Variants in DRC8 observed in about 807,000 individuals in gnomAD.
The protein encoded by DRC8 is dynein regulatory complex subunit 8.
chr1:245,088,315 GAC>G, the DRC8 span, among the ~76,000 whole-genome samples: 139 of 145,578 alleles, frequency 9.5e-4, 1 homozygote, highest in African/African-American at 2.8e-3. This position sits in a 1 kb window ranked among gnomAD's most constrained non-coding sequence, Gnocchi z 4.6. Context: ...GTTATAACAA[GAC>G]ACACACACAC....
chr1:245,090,400 C>T, the DRC8 span, among the ~76,000 whole-genome samples: 1 of 152,212 alleles, frequency 6.6e-6, no homozygotes, highest in Non-Finnish European at 1.5e-5. Flanking sequence ...TGTTTCTTTT[C>T]TTCTCCTGTG....
the DRC8 span, among the ~76,000 whole-genome samples, chr1:245,090,210 AG>A: frequency 2.0e-5 from 3 of 152,294 alleles, no homozygotes; most frequent in Admixed American, 2.0e-4. Flanking sequence ...AGACCCAGGT[AG>A]GAGGAGTGGG....
At chr1:245,045,247 T>C in the DRC8 span, among the ~76,000 whole-genome samples, 1 of 151,850 alleles carries the variant, frequency 6.6e-6, no homozygotes, top group Admixed American at 6.6e-5. Flanking sequence ...TGGACACAGG[T>C]GGTCCTCCCG....
the DRC8 span, among the ~76,000 whole-genome samples, chr1:245,034,935 G>A: frequency 6.7e-6 from 1 of 150,104 alleles, no homozygotes; most frequent in East Asian, 2.0e-4. Context: ...AAGGACAAAT[G>A]CAAGATAACT....
chr1:244,970,454 G>A, the DRC8 span: 4 of 1,525,746 alleles, frequency 2.6e-6, no homozygotes, highest in Non-Finnish European at 3.5e-6. Flanking sequence ...GTAAGGTAGG[G>A]GAGCCGGGGA....
the DRC8 span, among the ~76,000 whole-genome samples, chr1:245,039,932 TA>T: frequency 6.6e-6 from 1 of 152,202 alleles, no homozygotes; most frequent in Non-Finnish European, 1.5e-5. Context: ...ATTGCTTGCT[TA>T]AGATAGTGTC....
the DRC8 span, among the ~76,000 whole-genome samples, chr1:245,067,813 G>A: frequency 6.6e-6 from 1 of 152,178 alleles, no homozygotes; most frequent in African/African-American, 2.4e-5. Context: ...GAATGAGAAA[G>A]GGTGGGAGTA....
At chr1:245,098,613 A>T in the DRC8 span, among the ~76,000 whole-genome samples, 1 of 152,072 alleles carries the variant, frequency 6.6e-6, no homozygotes, top group Non-Finnish European at 1.5e-5. Context: ...TAGACTAGAA[A>T]ATTCTAGTGT....
At chr1:245,005,179 G>C in the DRC8 span, among the ~76,000 whole-genome samples, 1 of 151,658 alleles carries the variant, frequency 6.6e-6, no homozygotes, top group Non-Finnish European at 1.5e-5. Flanking sequence ...CAAGTGTTTT[G>C]TTGAGGATTT....
the DRC8 span, chr1:245,082,063 TTTAC>T: frequency 6.3e-7 from 1 of 1,579,064 alleles, no homozygotes; most frequent in Non-Finnish European, 8.7e-7. Context: ...TAAATGGCTA[TTTAC>T]TTATTGAATG....
chr1:244,990,098 G>A, the DRC8 span, among the ~76,000 whole-genome samples: 1 of 152,186 alleles, frequency 6.6e-6, no homozygotes, highest in Non-Finnish European at 1.5e-5. Context: ...GATCTCCCAA[G>A]GCAGGTGCTC....
the DRC8 span, among the ~76,000 whole-genome samples, chr1:245,063,166 C>G: frequency 3.3e-5 from 5 of 152,088 alleles, no homozygotes; most frequent in Admixed American, 1.3e-4. Context: ...CTTGGTTTGC[C>G]ACTTCACTCA....
the DRC8 span, among the ~76,000 whole-genome samples, chr1:245,007,873 C>T: frequency 2.0e-5 from 3 of 152,096 alleles, no homozygotes; most frequent in African/African-American, 7.2e-5. Flanking sequence ...CACTTTAAAA[C>T]CTAAACATTG....
chr1:245,047,819 A>G, the DRC8 span, among the ~76,000 whole-genome samples: 1 of 151,786 alleles, frequency 6.6e-6, no homozygotes, highest in East Asian at 1.9e-4. Flanking sequence ...TAAAAATAAA[A>G]AAATAAACTT....
chr1:245,063,542 C>T, the DRC8 span, among the ~76,000 whole-genome samples: 1 of 152,160 alleles, frequency 6.6e-6, no homozygotes, highest in Non-Finnish European at 1.5e-5. Context: ...CTGGAGCAGC[C>T]CATTGGATGG....
At chr1:245,122,135 T>C in the DRC8 span, 57 of 243,328 alleles carry the variant, frequency 2.3e-4, no homozygotes, top group African/African-American at 1.3e-3. Context: ...ACTCCTGACC[T>C]CAAGTGATCC....
chr1:245,121,930 G>A, the DRC8 span: 40 of 413,776 alleles, frequency 9.7e-5, no homozygotes, highest in Admixed American at 2.6e-4. Flanking sequence ...ATGGAGTTTC[G>A]CTCCGTCGCC....
the DRC8 span, among the ~76,000 whole-genome samples, chr1:245,027,765 A>T: frequency 6.6e-6 from 1 of 152,036 alleles, no homozygotes. Flanking sequence ...CACATATTTT[A>T]GTAGTTTTGT....
the DRC8 span, among the ~76,000 whole-genome samples, chr1:245,104,008 G>T: frequency 1.3e-5 from 2 of 152,170 alleles, no homozygotes; most frequent in African/African-American, 2.4e-5. Context: ...ACAATGACTG[G>T]GTGGTTCAAA....
Sources: gnomAD v4.1 joint callset for allele counts (sites outside exome capture counted in the v4.1 genomes callset) on GRCh38, gnomAD v4.1.1 for gene constraint, Gnocchi (gnomAD v3.1) non-coding constraint, MANE v1.5 for transcripts, NCBI Gene and HGNC (gene_info 2026-07-23, HGNC 2026-07-21) for gene names.